ZRANB3: variants seen among roughly 807,000 people sequenced by gnomAD.
ZRANB3 encodes the protein zinc finger RANBP2-type containing 3, also known as DNA annealing helicase and endonuclease ZRANB3.
ZRANB3 carries 125 observed loss-of-function variants against 133.8 expected under a neutral mutation model. That is an observed-to-expected ratio of 0.93 (90% CI 0.81 to 1.08). The LOEUF is 1.08. ZRANB3 is among the 50% of genes least tolerant of loss of function. The pLI, the probability that ZRANB3 is intolerant of heterozygous loss-of-function variation, is 0.00. For missense variants in ZRANB3, 1,229 were observed against 1,275.5 expected, an observed-to-expected ratio of 0.96 and a Z score of 0.56; for synonymous variants, 387 against 432.7, an observed-to-expected ratio of 0.89 and a Z score of 1.31.
At position 135,247,458 on chromosome 2, in the gene ZRANB3, T is replaced by C. The variant is rs190297342; in HGVS notation, c.1540-16531A>G. Among the ~76,000 whole-genome samples the C allele has an allele frequency of 2.7e-4, 41 of 152,150 alleles. No individual in the cohort carries two copies. In the East Asian group the frequency reaches 5.8e-3, roughly 21 times the overall value. On this transcript the variant is annotated intron_variant, in intron 12 of 20. Coordinates refer to ENST00000264159, the MANE Select transcript of ZRANB3 (RefSeq NM_032143.4). The stretch of plus-strand genomic sequence containing the variant: ...ACAACTACTAGTGTTTCTCTGCAGA[T>C]AGAGAGAAAACAAAACAAAACACAC...
At chr2:135,488,489 A>G (rs1692222793) in intron 2 of ZRANB3, among the ~76,000 whole-genome samples, 1 of 151,968 alleles carries the variant, frequency 6.6e-6, no homozygotes, top group African/African-American at 2.4e-5. Context: ...AATCAAATAT[A>G]GCATACTATA....
At chr2:135,360,652 C>A (rs923934555) in intron 3 of ZRANB3, among the ~76,000 whole-genome samples, 1 of 152,148 alleles carries the variant, frequency 6.6e-6, no homozygotes, top group East Asian at 1.9e-4. Flanking sequence ...TTGCAGTGAG[C>A]GGAGATTGTG....
chr2:135,393,338 A>G (rs1687329796), intron 2 of ZRANB3, among the ~76,000 whole-genome samples: 2 of 152,140 alleles, frequency 1.3e-5, no homozygotes, highest in South Asian at 4.1e-4. Context: ...TCATGTATAG[A>G]TTTCAAAGCA....
chr2:135,265,213 G>C (rs1680171141), intron 12 of ZRANB3, among the ~76,000 whole-genome samples: 1 of 152,090 alleles, frequency 6.6e-6, no homozygotes, highest in Admixed American at 6.6e-5. Context: ...TCAAATATCT[G>C]AATCTTTTTC....
chr2:135,213,731 C>A (rs1573681919), intron 17 of ZRANB3, among the ~76,000 whole-genome samples: 2 of 152,248 alleles, frequency 1.3e-5, no homozygotes, highest in African/African-American at 4.8e-5. Context: ...TTTTAAGATA[C>A]CCTCTAGGAT....
rs374494046 is a variant in ZRANB3 at position 135,404,938 on chromosome 2, T to C, written c.162-14118A>G. On this transcript the variant is annotated intron_variant, in intron 2 of 20. Coordinates refer to ENST00000264159, the MANE Select transcript of ZRANB3 (RefSeq NM_032143.4). ...AATGAGCAAAATAACCAGCTAACAT[T>C]ATAATGACAGGATCAAATTCACACA... Among the ~76,000 whole-genome samples the C allele has an allele frequency of 4.0e-4, 61 of 152,222 alleles. No individual in the cohort carries two copies. The South Asian group carries it at 0.011, about 28-fold the overall frequency.
intron 2 of ZRANB3, among the ~76,000 whole-genome samples, chr2:135,413,757 A>G (rs903593879): frequency 1.3e-5 from 2 of 152,150 alleles, no homozygotes; most frequent in African/African-American, 4.8e-5. Context: ...TCTGTGGATT[A>G]AACCAACCAA....
At chr2:135,433,074 T>C (rs1385412699) in intron 2 of ZRANB3, among the ~76,000 whole-genome samples, 1 of 149,804 alleles carries the variant, frequency 6.7e-6, no homozygotes, top group Admixed American at 6.6e-5. Flanking sequence ...TATGCTGGGC[T>C]GAAACTCTGG....
intron 13 of ZRANB3, among the ~76,000 whole-genome samples, chr2:135,229,662 C>T (rs527738885): frequency 3.9e-5 from 6 of 152,144 alleles, no homozygotes; most frequent in Middle Eastern, 3.4e-3. Flanking sequence ...CCACCGCGCC[C>T]GGCCGCCAAT....
chr2:135,357,441 G>C (rs753630505), intron 3 of ZRANB3, among the ~76,000 whole-genome samples: 1 of 152,166 alleles, frequency 6.6e-6, no homozygotes, highest in African/African-American at 2.4e-5. Context: ...GATTACAGGC[G>C]CATGCCACCA....
At chr2:135,223,855 AG>A (rs1350556344) in intron 15 of ZRANB3, among the ~76,000 whole-genome samples, 1 of 152,154 alleles carries the variant, frequency 6.6e-6, no homozygotes, top group African/African-American at 2.4e-5. Flanking sequence ...GGGCAGGTCT[AG>A]GCTTCTGTAA....
chr2:135,407,510 G>A (rs1256571920), intron 2 of ZRANB3, among the ~76,000 whole-genome samples: 10 of 145,710 alleles, frequency 6.9e-5, no homozygotes, highest in Admixed American at 2.0e-4. Context: ...AGCCCGCATC[G>A]CCAAGTCAAT....
At chr2:135,473,292 G>A (rs1225095340) in intron 2 of ZRANB3, among the ~76,000 whole-genome samples, 1 of 151,988 alleles carries the variant, frequency 6.6e-6, no homozygotes, top group Non-Finnish European at 1.5e-5. Flanking sequence ...ATAATCCAAT[G>A]GTAACAGCAA....
chr2:135,205,815 T>TG (rs1385084171), intron 19 of ZRANB3, among the ~76,000 whole-genome samples: 21 of 152,342 alleles, frequency 1.4e-4, no homozygotes, highest in African/African-American at 4.8e-4. Context: ...TGTGTGAGTG[T>TG]ATATACACAT....
rs997787708 is a variant in ZRANB3 at position 135,229,558 on chromosome 2, G to A, written c.1954+955C>T. On this transcript the variant is annotated intron_variant, in intron 13 of 20. Transcript: ENST00000264159. Reference sequence around the variant, plus strand: ...AATTTTTTGTATTTTTAGTAGAGACGGGGTTTCACCGTGTTAGCCAGGATG... The same window carrying A: ...AATTTTTTGTATTTTTAGTAGAGACAGGGTTTCACCGTGTTAGCCAGGATG... Among the ~76,000 whole-genome samples, 5 of 151,682 alleles carry A rather than the reference G, an allele frequency of 3.3e-5. No homozygotes were observed. In the South Asian group the frequency reaches 6.3e-4, roughly 19 times the overall value.
intron 8 of ZRANB3, among the ~76,000 whole-genome samples, chr2:135,295,400 C>T (rs576046805): frequency 7.9e-5 from 12 of 152,080 alleles, no homozygotes; most frequent in South Asian, 6.2e-4. Flanking sequence ...GGATTGCAAC[C>T]CCTGCCTTTT....
chr2:135,496,533 T>C lies in ZRANB3; in HGVS notation c.161+7796A>G, dbSNP rs189208192. On this transcript the variant is annotated intron_variant, in intron 2 of 20. Coordinates refer to ENST00000264159, the MANE Select transcript of ZRANB3 (RefSeq NM_032143.4). ...AAATTAACCTCTAAAGGACCTCAAA[T>C]ATGCAAATAAGTATGACTTACATAA... Among the ~76,000 whole-genome samples, 72 of 150,544 alleles carry C rather than the reference T, an allele frequency of 4.8e-4. 1 individual carries two copies. The Admixed American group carries it at 4.8e-3, about 10-fold the overall frequency.
At chr2:135,246,479 A>G (rs1695808072) in intron 12 of ZRANB3, among the ~76,000 whole-genome samples, 1 of 152,210 alleles carries the variant, frequency 6.6e-6, no homozygotes, top group Non-Finnish European at 1.5e-5. Flanking sequence ...ACATAGTAAG[A>G]AATAATTGCA....
At chr2:135,494,110 GAGGGAGGGAGGA>G (rs2104809912) in intron 2 of ZRANB3, among the ~76,000 whole-genome samples, 1 of 144,726 alleles carries the variant, frequency 6.9e-6, no homozygotes, top group African/African-American at 2.6e-5. Flanking sequence ...AGAAAGGAGG[GAGGGAGGGAGGA>G]AGGGAGGGAG....
Sources: gnomAD v4.1 joint callset for allele counts (sites outside exome capture counted in the v4.1 genomes callset) on GRCh38, gnomAD v4.1.1 for gene constraint, MANE v1.5 for transcripts, NCBI Gene and HGNC (gene_info 2026-07-23, HGNC 2026-07-21) for gene names.